The following FNDC3B variants were observed in gnomAD, a reference collection of about 807,000 sequenced individuals.
FNDC3B encodes the protein fibronectin type III domain containing 3B, also known as fibronectin type III domain-containing protein 3B.
Under a neutral mutation model 151.5 loss-of-function variants are expected in FNDC3B, and 12 were observed. The observed-to-expected ratio is 0.08, with a 90% CI of 0.05 to 0.13. The LOEUF is 0.13. Ranked by LOEUF, FNDC3B falls within the 10% of genes least tolerant of loss-of-function variation. The probability of loss-of-function intolerance (pLI) is 1.00; values close to 1 mark genes in which losing one functional copy is unlikely to be tolerated. For missense variants in FNDC3B, 1,214 were observed against 1,505.3 expected, an observed-to-expected ratio of 0.81 and a Z score of 3.20; for synonymous variants, 528 against 549.0, an observed-to-expected ratio of 0.96 and a Z score of 0.54.
intron 3 of FNDC3B, among the ~76,000 whole-genome samples, chr3:172,203,263 A>G (rs1725249859): frequency 3.3e-5 from 5 of 152,220 alleles, no homozygotes; most frequent in Admixed American, 3.3e-4. Context: ...TCTTGTTAAA[A>G]TTTTGGATTT....
At chr3:172,331,493 G>T (rs981558858) in intron 13 of FNDC3B, among the ~76,000 whole-genome samples, 5 of 152,218 alleles carry the variant, frequency 3.3e-5, no homozygotes, top group African/African-American at 9.6e-5. Flanking sequence ...AAGTAGCTGG[G>T]ACTACAGGCG....
chr3:172,283,566 A>T (rs902414675), intron 6 of FNDC3B, among the ~76,000 whole-genome samples: 1 of 152,204 alleles, frequency 6.6e-6, no homozygotes, highest in African/African-American at 2.4e-5. Context: ...TGCCTTCTTC[A>T]TAGCAAGAGG....
chr3:172,299,327 T>C (rs1435878867), intron 9 of FNDC3B, among the ~76,000 whole-genome samples: 3 of 152,188 alleles, frequency 2.0e-5, no homozygotes, highest in African/African-American at 7.2e-5. Context: ...CTGAAATCTC[T>C]CCTGTGATTT....
At chr3:172,289,965 G>T (rs1225789733) in intron 7 of FNDC3B, among the ~76,000 whole-genome samples, 2 of 152,288 alleles carry the variant, frequency 1.3e-5, no homozygotes, top group East Asian at 3.9e-4. Context: ...TATATACTTG[G>T]AATGCAGTAT....
At chr3:172,077,878 CAAAAT>C (rs1243413678) in intron 1 of FNDC3B, among the ~76,000 whole-genome samples, 5 of 152,062 alleles carry the variant, frequency 3.3e-5, no homozygotes, top group African/African-American at 1.2e-4. Flanking sequence ...AAATAGTAAT[CAAAAT>C]AAAGCACACA....
chr3:172,197,449 CTACAAT>C (rs1724897332), intron 3 of FNDC3B, among the ~76,000 whole-genome samples: 1 of 152,326 alleles, frequency 6.6e-6, no homozygotes, highest in Non-Finnish European at 1.5e-5. Context: ...ATCTGCATAA[CTACAAT>C]ACAACCATCA....
intron 1 of FNDC3B, among the ~76,000 whole-genome samples, chr3:172,069,406 T>G (rs1717659095): frequency 6.6e-6 from 1 of 152,378 alleles, no homozygotes; most frequent in East Asian, 1.9e-4. Context: ...ACTAAATATC[T>G]CTATTAATAC....
chr3:172,091,258 A>C (rs1445124105), intron 1 of FNDC3B, among the ~76,000 whole-genome samples: 1 of 152,242 alleles, frequency 6.6e-6, no homozygotes, highest in Non-Finnish European at 1.5e-5. Flanking sequence ...TCCACCTGTC[A>C]GTGCTGTTGA....
At chr3:172,256,713 A>G (rs1355427363) in intron 6 of FNDC3B, among the ~76,000 whole-genome samples, 1 of 152,220 alleles carries the variant, frequency 6.6e-6, no homozygotes, top group African/African-American at 2.4e-5. Flanking sequence ...ATTTTCAGCC[A>G]GTTATAGCCC....
At chr3:172,046,619 C>T (rs766807488) in intron 1 of FNDC3B, among the ~76,000 whole-genome samples, 22 of 152,116 alleles carry the variant, frequency 1.4e-4, no homozygotes, top group South Asian at 8.3e-4. Context: ...CCACCTTGCC[C>T]GGCCCTGTTT....
At chr3:172,391,244 G>A (rs1735992688) in intron 25 of FNDC3B, among the ~76,000 whole-genome samples, 1 of 152,186 alleles carries the variant, frequency 6.6e-6, no homozygotes, top group South Asian at 2.1e-4. Flanking sequence ...ATTCAATAAA[G>A]CAGACATACC....
intron 4 of FNDC3B, among the ~76,000 whole-genome samples, chr3:172,239,728 A>G (rs1727371734): frequency 6.6e-6 from 1 of 151,278 alleles, no homozygotes; most frequent in African/African-American, 2.4e-5. Context: ...AATTCCTTTG[A>G]AGCATTTCAA....
At chr3:172,397,006 G>A (rs1443424446) in intron 25 of FNDC3B, among the ~76,000 whole-genome samples, 158 bp from the exon 26 acceptor site, 2 of 152,260 alleles carry the variant, frequency 1.3e-5, no homozygotes, top group East Asian at 3.9e-4. Context: ...TTTATGGTTG[G>A]AATACAGATT....
chr3:172,243,713 A>T (rs1234437027), intron 4 of FNDC3B, among the ~76,000 whole-genome samples: 1 of 152,184 alleles, frequency 6.6e-6, no homozygotes, highest in South Asian at 2.1e-4. Flanking sequence ...CCCTTTGTGC[A>T]TGTGTCTTGT....
At chr3:172,372,670 C>T (rs1734937833) in intron 23 of FNDC3B, among the ~76,000 whole-genome samples, 1 of 152,018 alleles carries the variant, frequency 6.6e-6, no homozygotes, top group Non-Finnish European at 1.5e-5. Flanking sequence ...TGTGAATGAC[C>T]CCAGTAGCCT....
At chr3:172,099,933 TAC>T in intron 1 of FNDC3B, among the ~76,000 whole-genome samples, 1 of 152,334 alleles carries the variant, frequency 6.6e-6, no homozygotes, top group Non-Finnish European at 1.5e-5. Context: ...GACCCTTGGG[TAC>T]TCCTAAGACC....
chr3:172,274,542 A>T (rs1576862366), intron 6 of FNDC3B, among the ~76,000 whole-genome samples: 1 of 152,306 alleles, frequency 6.6e-6, no homozygotes, highest in East Asian at 1.9e-4. Flanking sequence ...TGCTGAATCT[A>T]TATCTAGTAA....
chr3:172,360,231 G>A (rs966946701), intron 22 of FNDC3B, among the ~76,000 whole-genome samples: 4 of 152,066 alleles, frequency 2.6e-5, no homozygotes, highest in Non-Finnish European at 5.9e-5. Flanking sequence ...ATGTTTTTGT[G>A]TCCTTATTTG....
chr3:172,060,908 T>A (rs1717162800), intron 1 of FNDC3B, among the ~76,000 whole-genome samples: 2 of 152,256 alleles, frequency 1.3e-5, no homozygotes, highest in African/African-American at 2.4e-5. Flanking sequence ...GAGGAATAAC[T>A]GAGATACTTC....
Sources: gnomAD v4.1 joint callset for allele counts (sites outside exome capture counted in the v4.1 genomes callset) on GRCh38, gnomAD v4.1.1 for gene constraint, MANE v1.5 for transcripts, NCBI Gene and HGNC (gene_info 2026-07-23, HGNC 2026-07-21) for gene names.